ANKLE2: variants seen among roughly 807,000 people sequenced by gnomAD.
The protein encoded by ANKLE2 is ankyrin repeat and LEM domain containing 2.
Under a neutral mutation model 84.2 loss-of-function variants are expected in ANKLE2, and 55 were observed. That is an observed-to-expected ratio of 0.65 (90% CI 0.53 to 0.82). ANKLE2 has a LOEUF of 0.82. ANKLE2 is among the 40% of genes least tolerant of loss of function. ANKLE2 has a pLI of 0.00. For missense variants in ANKLE2, 1,238 were observed against 1,201.9 expected (o/e 1.03, Z -0.44); for synonymous variants, 551 against 486.1 (o/e 1.13, Z -1.76).
rs1391296885 is a variant in ANKLE2, at chr12:132,754,801, T to C, written c.514A>G (p.Thr172Ala). The C allele has an allele frequency of 1.2e-6, 2 of 1,614,022 alleles. No individual in the cohort carries two copies. The highest frequency in any genetic ancestry group is 1.3e-5 in the African/African-American group (1 of 74,906). The change falls in exon 2 of 13, where the codon ACA becomes GCA. Residue 172 changes from threonine (T) to alanine (A), a missense_variant. Coordinates refer to ENST00000357997, the MANE Select transcript of ANKLE2 (RefSeq NM_015114.3). ...GLNPPEEEAVTSKTCSVPPSD... is the reference protein window; with the variant it reads ...GLNPPEEEAVASKTCSVPPSD... ...GGGGGCACCGAGCAGGTCTTGGATG[T>C]CACAGCTTCCTCCTCTGGAGGATTC... is the stretch of plus-strand genomic sequence containing the variant.
At chr12:132,739,273 T>C (rs1260509684) in intron 7 of ANKLE2, among the ~76,000 whole-genome samples, 1 of 152,192 alleles carries the variant, frequency 6.6e-6, no homozygotes, top group Non-Finnish European at 1.5e-5. Context: ...TAAGAAAAAG[T>C]ACGACAATTT....
At chr12:132,736,792 A>G in intron 8 of ANKLE2, 101 bp downstream of exon 8, 1 of 1,376,684 alleles carries the variant, frequency 7.3e-7, no homozygotes, top group Non-Finnish European at 9.8e-7. Flanking sequence ...TCCACAGGAC[A>G]TGGTCCCTGA....
At position 132,735,826 on chromosome 12, in the gene ANKLE2, C is replaced by G. The variant is rs11147035; in HGVS notation, c.1594-314G>C. ...AGTGGACGGCTCGGAGCTGCCACCC[C>G]GACGCACATGTGACACTGCTCCCAT... On this transcript the variant is annotated intron_variant, in intron 8 of 12. Coordinates refer to ENST00000357997, the MANE Select transcript of ANKLE2 (RefSeq NM_015114.3). 2.0e-4 allele frequency among the ~76,000 whole-genome samples: 31 copies of G among 152,220 alleles called. No individual in the cohort carries two copies. In the South Asian group the frequency reaches 5.8e-3, roughly 28 times the overall value.
chr12:132,727,279 C>T lies in ANKLE2; in HGVS notation c.2780G>A (p.Arg927His), dbSNP rs542266393. ...RYSPVHGSQL[R>H]RMARLAELAA... Reference sequence around the variant, plus strand: ...AAGCTCAGCCAGGCGCGCCATCCTGCGGAGCTGGCTCCCGTGCACGGGGCT... The same window carrying T: ...AAGCTCAGCCAGGCGCGCCATCCTGTGGAGCTGGCTCCCGTGCACGGGGCT... Residue 927 changes from arginine to histidine, a missense_variant, in exon 13 of 13, where the codon CGC becomes CAC. By Grantham distance (29) the Arg-to-His change is conservative. Coordinates refer to ENST00000357997, the MANE Select transcript of ANKLE2 (RefSeq NM_015114.3). The T allele has an allele frequency of 4.1e-5, 65 of 1,566,592 alleles. No individual in the cohort carries two copies. In the Admixed American group the frequency reaches 4.9e-4, roughly 12 times the overall value.
chr12:132,759,980 A>AG (rs1352082828), intron 1 of ANKLE2: 96 of 151,046 alleles, frequency 6.4e-4, no homozygotes, highest in African/African-American at 2.2e-3. Context: ...TTAAAAATAC[A>AG]AAAATTAGCC....
chr12:132,732,212 TACGCACC>T (rs2043870959), intron 10 of ANKLE2: 2 of 105,886 alleles, frequency 1.9e-5, no homozygotes, highest in African/African-American at 7.1e-5. Context: ...TGGTGTCTGA[TACGCACC>T]GTGTGAAGTG....
At chr12:132,731,380 TGAA>T (rs2043841553) in intron 10 of ANKLE2, 1 of 152,164 alleles carries the variant, frequency 6.6e-6, no homozygotes, top group Non-Finnish European at 1.5e-5. Flanking sequence ...TCGTGACTGT[TGAA>T]GATTCACTGC....
At chr12:132,757,842 A>C (rs1249533102) in intron 1 of ANKLE2, 1 of 151,742 alleles carries the variant, frequency 6.6e-6, no homozygotes, top group African/African-American at 2.4e-5. Flanking sequence ...AAATTAGCTG[A>C]GTGTGGTGAC....
Position 132,748,331 on chromosome 12 carries a change from T to A in ANKLE2, c.848A>T (p.Asp283Val). 1 of 1,613,920 alleles carries A rather than the reference T, an allele frequency of 6.2e-7. No homozygotes were observed. Among genetic ancestry groups the A allele is most frequent in the Non-Finnish European group, 8.5e-7 (1 of 1,180,008 alleles). Residue 283 changes from aspartate (D) to valine (V), a missense_variant and splice_region_variant, in exon 4 of 13, where the codon GAT (aspartate) becomes GTT (valine). By Grantham distance (152) the Asp-to-Val change is radical. Coordinates refer to ENST00000357997, the MANE Select transcript of ANKLE2 (RefSeq NM_015114.3). ...TTCTGATTCCGACAAGCACAAACCA[T>A]CTGTCAGTAAGAGACAGAATTTAAG... ...APLFSNDRLKDGLCLSESETV... is the reference protein window; with the variant it reads ...APLFSNDRLKVGLCLSESETV...
chr12:132,735,657 C>T (rs976728305), intron 8 of ANKLE2, 145 bp from the exon 9 acceptor site: 32 of 653,334 alleles, frequency 4.9e-5, no homozygotes, highest in African/African-American at 4.4e-4. Flanking sequence ...CCCTGGGCCA[C>T]GTGCCCACCT....
At chr12:132,761,589 CG>C in intron 1 of ANKLE2, 28 bp downstream of exon 1, 1 of 1,214,582 alleles carries the variant, frequency 8.2e-7, no homozygotes, top group Non-Finnish European at 1.0e-6. Flanking sequence ...GGCCAGGGTG[CG>C]GGGACCCAGC....
intron 9 of ANKLE2, chr12:132,735,120 C>G: frequency 2.2e-6 from 1 of 457,808 alleles, no homozygotes; most frequent in Non-Finnish European, 3.9e-6. Context: ...ATGGTACCTT[C>G]TATAAAATAT....
At chr12:132,735,824 C>A (rs1481418354) in intron 8 of ANKLE2, among the ~76,000 whole-genome samples, 2 of 152,216 alleles carry the variant, frequency 1.3e-5, no homozygotes, top group East Asian at 3.8e-4. Context: ...GAGCTGCCAC[C>A]CCGACGCACA....
intron 6 of ANKLE2, chr12:132,742,147 T>C (rs908034746): frequency 1.6e-5 from 4 of 253,818 alleles, no homozygotes; most frequent in Admixed American, 1.0e-4. Flanking sequence ...GAGTTTTAAG[T>C]TGGTTACCAA....
Position 132,754,893 on chromosome 12 carries a change from G to A in ANKLE2, c.422C>T (p.Ala141Val), listed in dbSNP as rs373457709. 4.9e-5 allele frequency: 79 copies of A among 1,614,088 alleles called. No individual in the cohort carries two copies. Among genetic ancestry groups the A allele is most frequent in the Non-Finnish European group, 6.6e-5 (78 of 1,180,038 alleles). Residue 141 changes from alanine to valine, a missense_variant, in exon 2 of 13, where the codon GCT (alanine) becomes GTT (valine). Physicochemically the swap from Ala to Val is moderately conservative, Grantham distance 64. This residue lies in a region of ANKLE2 where 422 missense variants were observed against 394.5 expected (regional missense o/e 1.07). Coordinates refer to ENST00000357997, the MANE Select transcript of ANKLE2 (RefSeq NM_015114.3). ...AGCCTGATCAGTTGGGTTCCCTTCA[G>A]CTGGCTTCAAAATCCTTTGTGGGTC... is the stretch of plus-strand genomic sequence containing the variant. The part of the protein sequence containing the change: ...SQDPQRILKP[A>V]EGNPTDQAGF...
chr12:132,737,186 G>A (rs1375144230), intron 7 of ANKLE2, 121 bp from the exon 8 acceptor site: 31 of 1,088,380 alleles, frequency 2.8e-5, no homozygotes, highest in Middle Eastern at 3.2e-4. Context: ...TCCAACAGAC[G>A]GGGCAGAGGG....
In ANKLE2 at chr12:132,730,226, T is replaced by A; in HGVS notation, c.1936A>T (p.Met646Leu). The change falls in exon 11 of 13, where the codon ATG becomes TTG. Residue 646 changes from methionine (M) to leucine (L), a missense_variant. Around this residue, in one of 3 missense-constraint regions of ANKLE2, gnomAD observed 802 missense variants for 774.5 expected, o/e 1.04. Coordinates refer to ENST00000357997, the MANE Select transcript of ANKLE2 (RefSeq NM_015114.3). ...SVRAFLDEDD[M>L]SLEEIKNRQN... ...CGATTTTTTATTTCTTCCAAGCTCA[T>A]GTCATCTTCATCTAGAAACGCCCTC... is the stretch of plus-strand genomic sequence containing the variant. 6.3e-7 allele frequency: 1 copy of A among 1,585,718 alleles called. No individual in the cohort carries two copies. The highest frequency in any genetic ancestry group is 8.6e-7 in the Non-Finnish European group (1 of 1,163,870).
intron 11 of ANKLE2, among the ~76,000 whole-genome samples, 160 bp from the exon 12 acceptor site, chr12:132,728,323 G>A (rs1196760678): frequency 3.3e-5 from 5 of 152,042 alleles, no homozygotes; most frequent in South Asian, 2.1e-4. Flanking sequence ...TCCGCCTCCC[G>A]GGTTCAAGCA....
In ANKLE2 at chr12:132,751,120, T is replaced by A. The variant is rs73157030; in HGVS notation, c.641-271A>T. 9,129 of 295,272 alleles carry A rather than the reference T, an allele frequency of 0.031. 743 individuals are homozygous for A. The highest frequency in any genetic ancestry group is 0.18 in the African/African-American group (8,281 of 46,304). 18.3% of individuals were successfully genotyped at this position (295,272 alleles called of 1,614,324 possible). A position where few individuals can be genotyped will look rare whatever the true frequency, so the allele number is the denominator to read the frequency against. On this transcript the variant is annotated intron_variant, in intron 2 of 12. Coordinates refer to ENST00000357997, the MANE Select transcript of ANKLE2 (RefSeq NM_015114.3). ...AAGATTCTATCCTAAAAACTAAATT[T>A]CATATAAAGATCTAAATAAAAATTA...
Sources: gnomAD v4.1 joint callset for allele counts (sites outside exome capture counted in the v4.1 genomes callset) on GRCh38, gnomAD v4.1.1 for gene constraint, gnomAD v4.1.1 regional missense constraint, MANE v1.5 for transcripts, NCBI Gene and HGNC (gene_info 2026-07-23, HGNC 2026-07-21) for gene names.